The following PCNT variants were observed in gnomAD, a reference collection of about 807,000 sequenced individuals.
The protein encoded by PCNT is pericentrin, also known as kendrin.
Under a neutral mutation model 380.4 loss-of-function variants are expected in PCNT, and 319 were observed. The ratio of observed to expected loss-of-function variants is 0.84; its 90% CI spans 0.77 to 0.92. The LOEUF (loss-of-function observed/expected upper bound fraction) is 0.92, where lower values mean the gene tolerates loss of function less well. Ranked by LOEUF, PCNT falls within the 40% of genes least tolerant of loss-of-function variation. The pLI, the probability that PCNT is intolerant of heterozygous loss-of-function variation, is 0.00. For synonymous variants in PCNT, 1,845 were observed against 1,735.2 expected (o/e 1.06, Z -1.57); for missense variants, 4,400 against 4,255.3 (o/e 1.03, Z -0.95).
intron 26 of PCNT, 103 bp downstream of exon 26, chr21:46,401,824 T>G (rs1601968843): frequency 5.7e-6 from 6 of 1,052,316 alleles, no homozygotes; most frequent in Non-Finnish European, 8.8e-6. Flanking sequence ...GATGGGCTTG[T>G]GACCACTGTG....
chr21:46,361,942 G>T (rs756697886), intron 13 of PCNT, among the ~76,000 whole-genome samples: 1 of 152,160 alleles, frequency 6.6e-6, no homozygotes, highest in African/African-American at 2.4e-5. Flanking sequence ...CAGGGGTCAC[G>T]TTTTCCTGCT....
Position 46,385,888 on chromosome 21 carries a change from G to A in PCNT, c.3369G>A (p.Leu1123=). 1 of 1,614,226 alleles carries A rather than the reference G, an allele frequency of 6.2e-7. No individual in the cohort carries two copies. Among genetic ancestry groups the A allele is most frequent in the Middle Eastern group, 1.6e-4 (1 of 6,062 alleles). ...SHEIEECRSE[L]EVLQQRRERE... ...AGATAGAAGAGTGCCGCTCCGAGTT[G>A]GAGGTGCTGCAGCAGAGGCGGGAGC... Residue 1123 remains leucine, a synonymous_variant, in exon 17 of 47, where the codon TTG becomes TTA. Coordinates refer to ENST00000359568, the MANE Select transcript of PCNT (RefSeq NM_006031.6).
chr21:46,353,388 A>T, intron 10 of PCNT, 62 bp downstream of exon 10: 1 of 1,387,096 alleles, frequency 7.2e-7, no homozygotes. Context: ...CTCTGAGTTC[A>T]GGGGTAGTTT....
chr21:46,361,210 C>T (rs991681098), intron 13 of PCNT, among the ~76,000 whole-genome samples: 5 of 152,020 alleles, frequency 3.3e-5, no homozygotes, highest in African/African-American at 1.2e-4. Flanking sequence ...CATGGGGAAA[C>T]CCTGTCTTTA....
rs201966670 is a variant in PCNT at position 46,353,110 on chromosome 21, A to G, written c.1463A>G (p.His488Arg). The stretch of plus-strand genomic sequence containing the variant: ...TGACTCCGTTATGTTGCAGAGCTAC[A>G]TGAGCAACTCCTGGCGCGCACCTCT... ...RTSRQELSEL[H>R]EQLLARTSRV... The change falls in exon 10 of 47, where the codon CAT becomes CGT. Residue 488 changes from histidine (H) to arginine (R), a missense_variant. By Grantham distance (29) the His-to-Arg change is conservative (BLOSUM62 0). Coordinates refer to ENST00000359568, the MANE Select transcript of PCNT (RefSeq NM_006031.6). 69 of 1,613,632 alleles carry G rather than the reference A, an allele frequency of 4.3e-5. No homozygotes were observed. Among genetic ancestry groups the G allele is most frequent in the Middle Eastern group, 3.3e-4 (2 of 6,084 alleles).
rs781064132 is a variant in PCNT at position 46,366,769 on chromosome 21, C to T, written c.2795C>T (p.Ala932Val). The T allele has an allele frequency of 1.9e-6, 3 of 1,613,622 alleles. No individual in the cohort carries two copies. The highest frequency in any genetic ancestry group is 2.5e-6 in the Non-Finnish European group (3 of 1,180,042). Residue 932 changes from alanine (A) to valine (V), a missense_variant, in exon 15 of 47, where the codon GCC becomes GTC. By Grantham distance (64) the Ala-to-Val change is moderately conservative. Coordinates refer to ENST00000359568, the MANE Select transcript of PCNT (RefSeq NM_006031.6). Reference sequence around the variant, plus strand: ...CAGGCCGCGTTGGGCGAGCTGACAGCCTCCTTAGAGAGCAAGCAGGGGGCT... The same window carrying T: ...CAGGCCGCGTTGGGCGAGCTGACAGTCTCCTTAGAGAGCAAGCAGGGGGCT... The part of the protein sequence containing the change: ...RHQAALGELT[A>V]SLESKQGALL...
At chr21:46,349,328 C>T (rs1054149321) in intron 7 of PCNT, 142 bp downstream of exon 7, 10 of 780,298 alleles carry the variant, frequency 1.3e-5, no homozygotes, top group Middle Eastern at 2.3e-4. Context: ...ACGTGTGACA[C>T]GCTGGTGGCC....
intron 29 of PCNT, among the ~76,000 whole-genome samples, chr21:46,414,528 G>GCTCCTC (rs201946771): frequency 2.4e-5 from 2 of 83,160 alleles, no homozygotes; most frequent in African/African-American, 1.0e-4. Context: ...CACCCACCCT[G>GCTCCTC]CTCCTCCTCC....
chr21:46,445,571 C>G lies in PCNT; in HGVS notation c.*244C>G. The G allele has an allele frequency of 1.8e-6, 1 of 560,874 alleles. No homozygotes were observed. Among genetic ancestry groups the G allele is most frequent in the Non-Finnish European group, 3.2e-6 (1 of 314,324 alleles). The allele number at this position is 560,874 out of a possible 1,614,324, so 34.7% of individuals were successfully genotyped here. On this transcript the variant is annotated 3_prime_UTR_variant, in exon 47 of 47. Coordinates refer to ENST00000359568, the MANE Select transcript of PCNT (RefSeq NM_006031.6). ...ACCTTCGTGAGGTGACGGGCACTCA[C>G]TCCCATGAGCCCTGGCTGTGTGCTG...
chr21:46,334,064 G>A (rs1406206849), intron 2 of PCNT, among the ~76,000 whole-genome samples: 1 of 151,992 alleles, frequency 6.6e-6, no homozygotes, highest in African/African-American at 2.4e-5. Flanking sequence ...AATTAGCTGG[G>A]CGTGGTGGCG....
chr21:46,365,326 TATTCACTGCCATGGG>T (rs2084865467), intron 14 of PCNT, among the ~76,000 whole-genome samples: 1 of 99,834 alleles, frequency 1.0e-5, no homozygotes, highest in African/African-American at 3.2e-5. Flanking sequence ...CATGGGGTTC[TATTCACTGCCATGGG>T]GTTCTATTCA....
At chr21:46,328,563 C>T (rs752597346) in intron 2 of PCNT, among the ~76,000 whole-genome samples, 2 of 152,116 alleles carry the variant, frequency 1.3e-5, no homozygotes, top group Admixed American at 6.6e-5. Context: ...TGGGTTCAAG[C>T]GATTTTCCTG....
At chr21:46,440,043 G>C (rs759550718) in intron 41 of PCNT, 40 bp from the exon 42 acceptor site, 2 of 1,613,112 alleles carry the variant, frequency 1.2e-6, no homozygotes, top group Admixed American at 3.3e-5. Context: ...TCTTGTTGAC[G>C]AGCAGCTCTG....
At chr21:46,356,161 G>A (rs1234066745) in intron 12 of PCNT, among the ~76,000 whole-genome samples, 1 of 152,236 alleles carries the variant, frequency 6.6e-6, no homozygotes, top group East Asian at 1.9e-4. Context: ...GTTCCAGGAG[G>A]GGCAGGCGGC....
chr21:46,368,691 G>C (rs2146951826), intron 15 of PCNT, among the ~76,000 whole-genome samples: 1 of 152,344 alleles, frequency 6.6e-6, no homozygotes, highest in African/African-American at 2.4e-5. Context: ...TGAGCATGTG[G>C]AGCCACTGGG....
At chr21:46,349,561 C>T (rs2084193355) in intron 7 of PCNT, 123 bp from the exon 8 acceptor site, 1 of 1,033,648 alleles carries the variant, frequency 9.7e-7, no homozygotes, top group African/African-American at 1.6e-5. Context: ...AAACGAGGGG[C>T]CCGGGGGCGC....
intron 29 of PCNT, among the ~76,000 whole-genome samples, chr21:46,415,854 C>T (rs1309366092): frequency 1.3e-5 from 2 of 152,134 alleles, no homozygotes; most frequent in African/African-American, 4.8e-5. Flanking sequence ...CCTCAATCAC[C>T]GCAGAAATAG....
Position 46,366,669 on chromosome 21 carries a change from C to T in PCNT, c.2695C>T (p.Arg899Cys), listed in dbSNP as rs757715830. The stretch of plus-strand genomic sequence containing the variant: ...GCAGGAGGCCCAGGAGCAGCATGCC[C>T]GTGAGCTGCAGCTCCTCCAGGAGAG... ...FLQEAQEQHARELQLLQERHQ... is the reference protein window; with the variant it reads ...FLQEAQEQHACELQLLQERHQ... The change falls in exon 15 of 47, where the codon CGT becomes TGT. Residue 899 changes from arginine to cysteine, a missense_variant. Arg to Cys is a radical substitution (Grantham distance 180). Coordinates refer to ENST00000359568, the MANE Select transcript of PCNT (RefSeq NM_006031.6). 10 of 1,613,722 alleles carry T rather than the reference C, an allele frequency of 6.2e-6. No individual in the cohort carries two copies. The highest frequency in any genetic ancestry group is 2.2e-5 in the East Asian group (1 of 44,880).
intron 29 of PCNT, 140 bp downstream of exon 29, chr21:46,413,132 CACGAGG>C (rs2086855143): frequency 2.1e-6 from 1 of 484,028 alleles, no homozygotes; most frequent in African/African-American, 2.4e-5. Flanking sequence ...GCGGGGAAGG[CACGAGG>C]CCCACCCGGG....
Sources: allele counts gnomAD v4.1 joint callset (sites outside exome capture counted in the v4.1 genomes callset), GRCh38; gene constraint gnomAD v4.1.1; transcripts MANE v1.5; gene names NCBI Gene and HGNC (gene_info 2026-07-23, HGNC 2026-07-21).